The following EFHC2 variants were observed in gnomAD, a reference collection of about 807,000 sequenced individuals.
EFHC2 encodes the protein EF-hand domain-containing family member C2.
EFHC2 carries 18 observed loss-of-function variants against 52.7 expected under a neutral mutation model. The observed-to-expected ratio is 0.34, with a 90% CI of 0.24 to 0.51. The LOEUF (loss-of-function observed/expected upper bound fraction) is 0.51, where lower values mean the gene tolerates loss of function less well. EFHC2 is among the 20% of genes least tolerant of loss of function. The probability of loss-of-function intolerance (pLI) is 0.97; values close to 1 mark genes in which losing one functional copy is unlikely to be tolerated. For synonymous variants in EFHC2, 203 were observed against 204.1 expected (o/e 0.99, Z 0.04); for missense variants, 513 against 562.5 (o/e 0.91, Z 0.89).
intron 2 of EFHC2, among the ~76,000 whole-genome samples, chrX:44,282,123 T>C (rs1313293465): frequency 9.1e-6 from 1 of 110,409 alleles, no homozygotes; most frequent in Non-Finnish European, 1.9e-5. Flanking sequence ...TCTTTGCAGC[T>C]TTTTATCATA....
intron 1 of EFHC2, among the ~76,000 whole-genome samples, chrX:44,333,976 C>G (rs2038103121): frequency 8.9e-6 from 1 of 111,907 alleles, no homozygotes; most frequent in Non-Finnish European, 1.9e-5. Context: ...AGCCAATATT[C>G]TGAAGATGGC....
rs182277870 is a variant in EFHC2, at chrX:44,300,407, G to A, written c.231+12161C>T. ...CCAGCACCTTGACCTTGGACTTCCA[G>A]CCTCCAGAACTGTGAGAAAAAAAAT... On this transcript the variant is annotated intron_variant, in intron 2 of 14. Transcript: ENST00000420999. 1.0e-3 allele frequency among the ~76,000 whole-genome samples: 115 copies of A among 111,419 alleles called. 1 individual carries two copies. Among genetic ancestry groups the A allele is most frequent in the African/African-American group, 3.4e-3 (103 of 30,679 alleles).
chrX:44,330,304 T>C (rs1480974223), intron 1 of EFHC2, among the ~76,000 whole-genome samples: 1 of 110,086 alleles, frequency 9.1e-6, no homozygotes, highest in Non-Finnish European at 1.9e-5. Context: ...GGCTAGGCAG[T>C]GAGTCCTTAG....
intron 2 of EFHC2, among the ~76,000 whole-genome samples, chrX:44,291,844 G>A (rs1286906164): frequency 3.6e-5 from 4 of 112,424 alleles, no homozygotes; most frequent in African/African-American, 1.3e-4. Flanking sequence ...AAAGCTGGAA[G>A]CTTGAAAATA....
At chrX:44,156,312 G>C (rs1442334774) in intron 14 of EFHC2, among the ~76,000 whole-genome samples, 2 of 112,443 alleles carry the variant, frequency 1.8e-5, no homozygotes, top group Admixed American at 9.4e-5. Context: ...TATTTCGACT[G>C]TTATATTCAA....
intron 1 of EFHC2, among the ~76,000 whole-genome samples, chrX:44,323,856 T>G (rs189107770): frequency 0.013 from 1,403 of 110,995 alleles, 24 homozygotes; most frequent in African/African-American, 0.042. Flanking sequence ...AAAAGAAATG[T>G]GACCTACCTG....
At chrX:44,274,341 T>C (rs769795096) in intron 2 of EFHC2, among the ~76,000 whole-genome samples, 1 of 112,099 alleles carries the variant, frequency 8.9e-6, no homozygotes, top group East Asian at 2.8e-4. Flanking sequence ...GCTGTCACAT[T>C]TGTATTGAGT....
At chrX:44,153,482 A>G (rs2036584945) in intron 14 of EFHC2, among the ~76,000 whole-genome samples, 1 of 111,576 alleles carries the variant, frequency 9.0e-6, no homozygotes, top group Admixed American at 9.6e-5. Context: ...TAAATGCCAC[A>G]AGCACATTAA....
At chrX:44,176,270 C>G (rs940355694) in intron 13 of EFHC2, 22 bp downstream of exon 13, 2 of 1,136,060 alleles carry the variant, frequency 1.8e-6, no homozygotes, top group Non-Finnish European at 2.4e-6. Flanking sequence ...CAATCCCTAT[C>G]AAGAGTGGAA....
intron 2 of EFHC2, among the ~76,000 whole-genome samples, chrX:44,287,852 G>A (rs1303281081): frequency 8.9e-6 from 1 of 111,921 alleles, no homozygotes; most frequent in African/African-American, 3.3e-5. Flanking sequence ...TCCTTTCAGG[G>A]CATGTCAACA....
intron 10 of EFHC2, 101 bp downstream of exon 10, chrX:44,232,380 A>T: frequency 1.6e-6 from 1 of 630,556 alleles, no homozygotes; most frequent in Non-Finnish European, 2.3e-6. Flanking sequence ...TGCACAATGT[A>T]CAACTGGTGG....
chrX:44,189,917 G>A (rs1161256389), intron 11 of EFHC2, among the ~76,000 whole-genome samples: 1 of 111,060 alleles, frequency 9.0e-6, no homozygotes, highest in Non-Finnish European at 1.9e-5. Flanking sequence ...TAAATTGGAG[G>A]AAAATGGTGA....
chrX:44,313,821 G>A (rs2037965924), intron 1 of EFHC2, among the ~76,000 whole-genome samples: 1 of 110,618 alleles, frequency 9.0e-6, no homozygotes. Context: ...CGGGCATGGT[G>A]GTGGGCACCT....
chrX:44,193,207 C>T (rs1275069559), intron 11 of EFHC2, among the ~76,000 whole-genome samples: 2 of 110,652 alleles, frequency 1.8e-5, no homozygotes, highest in Non-Finnish European at 3.8e-5. Context: ...CTAATCAGAA[C>T]ATCTTTAAAT....
chrX:44,313,075 T>C (rs1162903986), intron 1 of EFHC2, among the ~76,000 whole-genome samples: 6 of 103,381 alleles, frequency 5.8e-5, no homozygotes, highest in African/African-American at 2.2e-4. Flanking sequence ...TTCCTACTTG[T>C]TTGCCAAGAA....
At chrX:44,313,095 C>CAAAAAAAAA (rs1276344069) in intron 1 of EFHC2, among the ~76,000 whole-genome samples, 1 of 50,016 alleles carries the variant, frequency 2.0e-5, no homozygotes. Flanking sequence ...ATGCAAACAG[C>CAAAAAAAAA]AAAAAAAAAA....
At chrX:44,187,307 T>C (rs1296080218) in intron 11 of EFHC2, among the ~76,000 whole-genome samples, 1 of 108,743 alleles carries the variant, frequency 9.2e-6, no homozygotes, top group African/African-American at 3.4e-5. Flanking sequence ...CTGCAGTCTC[T>C]TTACTATGCA....
chrX:44,169,273 A>T, intron 13 of EFHC2, among the ~76,000 whole-genome samples: 1 of 110,571 alleles, frequency 9.0e-6, no homozygotes, highest in East Asian at 2.8e-4. Flanking sequence ...CTTTCTATTT[A>T]TTATTTATTT....
At chrX:44,267,866 G>A (rs1348084998) in intron 3 of EFHC2, among the ~76,000 whole-genome samples, 1 of 111,740 alleles carries the variant, frequency 8.9e-6, no homozygotes, top group African/African-American at 3.3e-5. Context: ...CTTGAAGAAG[G>A]CATTTAAATG....
Sources: allele counts gnomAD v4.1 joint callset (sites outside exome capture counted in the v4.1 genomes callset), GRCh38; gene constraint gnomAD v4.1.1; transcripts MANE v1.5; gene names NCBI Gene and HGNC (gene_info 2026-07-23, HGNC 2026-07-21).